XRN2: variants seen among roughly 807,000 people sequenced by gnomAD.
XRN2 encodes the protein DHM1-like protein.
Under a neutral mutation model 138.5 loss-of-function variants are expected in XRN2, and 44 were observed. The ratio of observed to expected loss-of-function variants is 0.32; its 90% CI spans 0.25 to 0.41. XRN2 has a LOEUF of 0.41. XRN2 is among the 10% of genes least tolerant of loss of function. The probability of loss-of-function intolerance (pLI) is 1.00; values close to 1 mark genes in which losing one functional copy is unlikely to be tolerated. For synonymous variants in XRN2, 354 were observed against 369.4 expected (o/e 0.96, Z 0.48); for missense variants, 937 against 1,169.3 (o/e 0.80, Z 2.90).
chr20:21,388,153 T>G (rs757482005), intron 29 of XRN2, among the ~76,000 whole-genome samples: 2 of 152,164 alleles, frequency 1.3e-5, no homozygotes, highest in Non-Finnish European at 2.9e-5. Context: ...ATGTGTAGTC[T>G]AGTCACCTCA....
At position 21,333,832 on chromosome 20, in the gene XRN2, G is replaced by A. The variant is rs1420203136; in HGVS notation, c.1062G>A (p.Glu354=). ...NDFLPHLPSL[E]IRENAIDRLV... ...TCCTCCCTCATTTGCCATCGTTAGA[G>A]ATTAGGTATGTGCATTTGTGTAGCT... The change falls in exon 11 of 30, where the codon GAG becomes GAA. Residue 354 remains glutamate, a synonymous_variant. Transcript: ENST00000377191. The A allele has an allele frequency of 2.5e-6, 4 of 1,614,014 alleles. No individual in the cohort carries two copies. Among genetic ancestry groups the A allele is most frequent in the Admixed American group, 1.7e-5 (1 of 60,006 alleles).
chr20:21,333,770 G>A lies in XRN2; in HGVS notation c.1000G>A (p.Asp334Asn). 6.2e-7 allele frequency: 1 copy of A among 1,614,142 alleles called. No individual in the cohort carries two copies. The highest frequency in any genetic ancestry group is 8.5e-7 in the Non-Finnish European group (1 of 1,180,010). ...ATTTGATGTTGAGAGGAGCATTGAT[G>A]ACTGGGTTTTCATGTGCTTCTTTGT... Reference protein sequence around the residue: ...FTFDVERSIDDWVFMCFFVGN... With the variant: ...FTFDVERSIDNWVFMCFFVGN... The change falls in exon 11 of 30, where the codon GAC becomes AAC. Residue 334 changes from aspartate to asparagine, a missense_variant. Around this residue, in one of 6 missense-constraint regions of XRN2, gnomAD observed 471 missense variants for 581.2 expected, o/e 0.81. Coordinates refer to ENST00000377191, the MANE Select transcript of XRN2 (RefSeq NM_012255.5).
intron 17 of XRN2, among the ~76,000 whole-genome samples, chr20:21,347,134 C>T (rs551933367): frequency 1.8e-4 from 27 of 152,154 alleles, no homozygotes; most frequent in African/African-American, 5.3e-4. Context: ...TTTAAGATGA[C>T]GAAAGGTTAG....
Position 21,315,474 on chromosome 20 carries a change from A to G in XRN2, c.76-10805A>G, listed in dbSNP as rs189090803. ...CTGTGTATCTTTTGGAGAAATGTCTATTTAGGTTCTTTGTCTCCTCTTCCC... is the reference window on the plus strand; with the variant it reads ...CTGTGTATCTTTTGGAGAAATGTCTGTTTAGGTTCTTTGTCTCCTCTTCCC... On this transcript the variant is annotated intron_variant, in intron 1 of 29. Transcript: ENST00000377191. Among the ~76,000 whole-genome samples, 48 of 152,156 alleles carry G rather than the reference A, an allele frequency of 3.2e-4. No homozygotes were observed. The Middle Eastern group carries it at 0.01, about 33-fold the overall frequency.
intron 1 of XRN2, among the ~76,000 whole-genome samples, chr20:21,305,083 A>C (rs914021661): frequency 6.6e-6 from 1 of 152,138 alleles, no homozygotes; most frequent in Non-Finnish European, 1.5e-5. Flanking sequence ...GTAGTCTATC[A>C]AGAGTCATCT....
chr20:21,332,653 A>G (rs1183848786), intron 9 of XRN2, among the ~76,000 whole-genome samples: 1 of 152,050 alleles, frequency 6.6e-6, no homozygotes, highest in Non-Finnish European at 1.5e-5. Flanking sequence ...CTTCACAGAG[A>G]TGTATCTTTT....
rs754496308 is a variant in XRN2 at position 21,389,377 on chromosome 20, C to T, written c.*39C>T. On this transcript the variant is annotated 3_prime_UTR_variant, in exon 30 of 30. Transcript: ENST00000377191. Reference sequence around the variant, plus strand: ...TTTCCCAAATCCTTTCATCATTCTACAGTTTTATGCTATTTGTGGAAAGAT... The same window carrying T: ...TTTCCCAAATCCTTTCATCATTCTATAGTTTTATGCTATTTGTGGAAAGAT... The T allele has an allele frequency of 3.4e-5, 53 of 1,560,422 alleles. No homozygotes were observed. Among genetic ancestry groups the T allele is most frequent in the Non-Finnish European group, 4.4e-5 (50 of 1,147,306 alleles).
intron 16 of XRN2, among the ~76,000 whole-genome samples, chr20:21,345,542 G>A (rs1307326745): frequency 6.6e-6 from 1 of 152,094 alleles, no homozygotes; most frequent in East Asian, 1.9e-4. Flanking sequence ...TCATCTTGAT[G>A]TTCTTGATCT....
chr20:21,336,795 G>C lies in XRN2; in HGVS notation c.1234-2249G>C, dbSNP rs530940493. Among the ~76,000 whole-genome samples, 6 of 152,312 alleles carry C rather than the reference G, an allele frequency of 3.9e-5. No individual in the cohort carries two copies. In the South Asian group the frequency reaches 1.2e-3, roughly 32 times the overall value. On this transcript the variant is annotated intron_variant, in intron 13 of 29. Transcript: ENST00000377191. ...AGGTGAGGAGGCATCTGGGAAGGGAGAGGTTGGGCATTACAGTTCTAGAAA... is the reference window on the plus strand; with the variant it reads ...AGGTGAGGAGGCATCTGGGAAGGGACAGGTTGGGCATTACAGTTCTAGAAA...
At chr20:21,380,526 T>C (rs2038872116) in intron 27 of XRN2, among the ~76,000 whole-genome samples, 1 of 152,256 alleles carries the variant, frequency 6.6e-6, no homozygotes, top group Non-Finnish European at 1.5e-5. Context: ...CAGAACTTAC[T>C]CTGGGCGTAG....
At chr20:21,336,483 T>C (rs375037384) in intron 13 of XRN2, among the ~76,000 whole-genome samples, 1 of 152,266 alleles carries the variant, frequency 6.6e-6, no homozygotes, top group East Asian at 1.9e-4. Flanking sequence ...AAAATTGTTA[T>C]TGAAGTTGAG....
At chr20:21,342,992 TAA>T (rs1261569054) in intron 15 of XRN2, among the ~76,000 whole-genome samples, 2 of 152,212 alleles carry the variant, frequency 1.3e-5, no homozygotes, top group African/African-American at 2.4e-5. Flanking sequence ...ATTATGTTTT[TAA>T]AAGAGATGTG....
In XRN2 at chr20:21,333,575, CAGA is replaced by C. The variant is rs1181709567; in HGVS notation, c.893_895del (p.Glu298del). On this transcript the variant is annotated inframe_deletion, in exon 10 of 30. Coordinates refer to ENST00000377191, the MANE Select transcript of XRN2 (RefSeq NM_012255.5). The stretch of plus-strand genomic sequence containing the variant: ...GAACTTGCCGATAGTCTTCCTTGTG[CAGA>C]AGGAGAGTTTATCTTCCTTCGGCTT... The C allele has an allele frequency of 6.2e-7, 1 of 1,613,634 alleles. No homozygotes were observed. The highest frequency in any genetic ancestry group is 1.1e-5 in the South Asian group (1 of 91,074).
chr20:21,327,819 T>G (rs1018911662), intron 3 of XRN2, among the ~76,000 whole-genome samples: 1 of 152,212 alleles, frequency 6.6e-6, no homozygotes, highest in Admixed American at 6.5e-5. Flanking sequence ...GAATATTAAA[T>G]AACTTACATT....
intron 24 of XRN2, among the ~76,000 whole-genome samples, chr20:21,364,773 T>A (rs901615274): frequency 6.7e-6 from 1 of 148,434 alleles, no homozygotes; most frequent in Non-Finnish European, 1.5e-5. Context: ...GCCACTGCAC[T>A]CCAGCCTGGG....
At chr20:21,308,261 A>G (rs2037830685) in intron 1 of XRN2, among the ~76,000 whole-genome samples, 1 of 152,210 alleles carries the variant, frequency 6.6e-6, no homozygotes. Flanking sequence ...TGATTGATGA[A>G]CATTGGGATT....
Position 21,373,826 on chromosome 20 carries a change from G to T in XRN2, c.2584+5236G>T, listed in dbSNP as rs552290577. Among the ~76,000 whole-genome samples the T allele has an allele frequency of 1.1e-4, 17 of 152,154 alleles. 1 individual carries two copies. The highest frequency in any genetic ancestry group is 3.9e-4 in the African/African-American group (16 of 41,536). On this transcript the variant is annotated intron_variant, in intron 27 of 29. Transcript: ENST00000377191. The stretch of plus-strand genomic sequence containing the variant: ...TTGTGTGGTTTTTTTAAATTGGGTT[G>T]TCTATCTTTTTGTTTTGTAGGCGTT...
At position 21,356,656 on chromosome 20, in the gene XRN2, T is replaced by G; in HGVS notation, c.2189T>G (p.Leu730Arg). The change falls in exon 23 of 30, where the codon CTT (leucine) becomes CGT (arginine). Residue 730 changes from leucine (L) to arginine (R), a missense_variant. By Grantham distance (102) the Leu-to-Arg change is moderately radical. Around this residue, in one of 6 missense-constraint regions of XRN2, gnomAD observed 372 missense variants for 414.4 expected, o/e 0.90. Transcript: ENST00000377191. ...GKFSLDEEAI[L>R]PDQIVCSPVP... ...TTTTCTTTGGATGAAGAAGCCATTCTTCCAGATCAGTAAGTTTCATTTTGT... is the reference window on the plus strand; with the variant it reads ...TTTTCTTTGGATGAAGAAGCCATTCGTCCAGATCAGTAAGTTTCATTTTGT... The G allele has an allele frequency of 6.2e-7, 1 of 1,613,498 alleles. No individual in the cohort carries two copies. The highest frequency in any genetic ancestry group is 1.7e-4 in the Middle Eastern group (1 of 6,060).
chr20:21,352,983 A>G (rs1260465280), intron 20 of XRN2, among the ~76,000 whole-genome samples: 1 of 151,980 alleles, frequency 6.6e-6, no homozygotes, highest in African/African-American at 2.4e-5. Flanking sequence ...TCTGGATGTA[A>G]GGCATTCCTT....
Sources: gnomAD v4.1 joint callset for allele counts (sites outside exome capture counted in the v4.1 genomes callset) on GRCh38, gnomAD v4.1.1 for gene constraint, gnomAD v4.1.1 regional missense constraint, MANE v1.5 for transcripts, NCBI Gene and HGNC (gene_info 2026-07-23, HGNC 2026-07-21) for gene names.